Variants in TBC1D14 observed in about 807,000 individuals in gnomAD.
TBC1D14 encodes the protein TBC1 domain family, member 14.
Under a neutral mutation model 79.0 loss-of-function variants are expected in TBC1D14, and 26 were observed. The ratio of observed to expected loss-of-function variants is 0.33; its 90% CI spans 0.24 to 0.46. The LOEUF is 0.46. Ranked by LOEUF, TBC1D14 falls within the 20% of genes least tolerant of loss-of-function variation. TBC1D14 has a pLI of 1.00. For synonymous variants in TBC1D14, 394 were observed against 349.9 expected (o/e 1.13, Z -1.40); for missense variants, 769 against 887.6 (o/e 0.87, Z 1.70).
At chr4:6,958,807 C>T (rs186556274) in intron 2 of TBC1D14, among the ~76,000 whole-genome samples, 19 of 152,246 alleles carry the variant, frequency 1.2e-4, no homozygotes, top group Admixed American at 1.0e-3. Context: ...CCTCGAAAGC[C>T]GGACACTCCT....
intron 3 of TBC1D14, among the ~76,000 whole-genome samples, chr4:6,989,463 T>TA (rs1313089711): frequency 6.6e-6 from 1 of 152,196 alleles, no homozygotes; most frequent in Non-Finnish European, 1.5e-5. Flanking sequence ...GCCCACGTCT[T>TA]ACCTGTCTGT....
Position 7,030,439 on chromosome 4 carries a change from G to T in TBC1D14, c.*47G>T. 1 of 1,599,634 alleles carries T rather than the reference G, an allele frequency of 6.3e-7. No individual in the cohort carries two copies. The highest frequency in any genetic ancestry group is 8.6e-7 in the Non-Finnish European group (1 of 1,167,784). On this transcript the variant is annotated 3_prime_UTR_variant, in exon 14 of 14. Transcript: ENST00000409757. ...TCGGCACCAATCAGAGCCCCATGCCGCGGCCCCTCTGTTGTTTCAGACTGA... is the reference window on the plus strand; with the variant it reads ...TCGGCACCAATCAGAGCCCCATGCCTCGGCCCCTCTGTTGTTTCAGACTGA...
intron 2 of TBC1D14, among the ~76,000 whole-genome samples, chr4:6,938,105 C>T (rs991561201): frequency 2.0e-5 from 3 of 152,158 alleles, no homozygotes; most frequent in African/African-American, 4.8e-5. Context: ...CGCTACTTTG[C>T]TGGGCTGGCC....
At chr4:6,940,272 A>G (rs1712778068) in intron 2 of TBC1D14, among the ~76,000 whole-genome samples, 1 of 152,210 alleles carries the variant, frequency 6.6e-6, no homozygotes, top group African/African-American at 2.4e-5. Flanking sequence ...CATTTCCACC[A>G]TGCAGGAAGT....
intron 3 of TBC1D14, among the ~76,000 whole-genome samples, chr4:6,981,255 C>T (rs953770903): frequency 4.0e-5 from 6 of 151,822 alleles, no homozygotes; most frequent in Non-Finnish European, 8.8e-5. Context: ...GAATTCCTGG[C>T]CTCCAGTGAT....
chr4:6,920,473 C>G (rs944851941), intron 1 of TBC1D14, among the ~76,000 whole-genome samples: 2 of 152,098 alleles, frequency 1.3e-5, no homozygotes, highest in East Asian at 3.9e-4. Context: ...TTTGCTTTTG[C>G]TGTGTTGACA....
chr4:6,946,538 G>A (rs1713481664), intron 2 of TBC1D14, among the ~76,000 whole-genome samples: 1 of 152,058 alleles, frequency 6.6e-6, no homozygotes, highest in African/African-American at 2.4e-5. Context: ...GGTCATGCTG[G>A]TCTCGAACTC....
chr4:6,930,405 C>T (rs551013455), intron 2 of TBC1D14, among the ~76,000 whole-genome samples: 8 of 152,298 alleles, frequency 5.3e-5, no homozygotes, highest in Non-Finnish European at 8.8e-5. Flanking sequence ...ACAGTAGAAT[C>T]ACTGCAGGTG....
chr4:6,934,227 C>T (rs916845169), intron 2 of TBC1D14, among the ~76,000 whole-genome samples: 5 of 151,578 alleles, frequency 3.3e-5, no homozygotes, highest in Admixed American at 6.6e-5. Flanking sequence ...TGAGGCCTGC[C>T]GGCACCAGGA....
intron 12 of TBC1D14, among the ~76,000 whole-genome samples, chr4:7,018,446 A>C (rs545692594): frequency 7.2e-5 from 11 of 152,148 alleles, no homozygotes; most frequent in Non-Finnish European, 1.5e-4. Flanking sequence ...CCCCAGCTCC[A>C]CCCACTCTCT....
intron 2 of TBC1D14, among the ~76,000 whole-genome samples, chr4:6,932,379 A>AG (rs1419381846): frequency 1.4e-5 from 2 of 147,906 alleles, no homozygotes; most frequent in African/African-American, 2.5e-5. Context: ...TGGAAATTAA[A>AG]AAAAAAAAAA....
intron 2 of TBC1D14, among the ~76,000 whole-genome samples, chr4:6,939,602 G>A (rs188555383): frequency 4.8e-4 from 73 of 152,260 alleles, no homozygotes; most frequent in Middle Eastern, 3.4e-3. Flanking sequence ...CAGTCTTGGG[G>A]ATGTAACGGT....
At chr4:7,027,215 AAAC>A (rs1191582684) in intron 13 of TBC1D14, among the ~76,000 whole-genome samples, 1 of 151,932 alleles carries the variant, frequency 6.6e-6, no homozygotes, top group Non-Finnish European at 1.5e-5. Flanking sequence ...CATCTCAAAA[AAAC>A]CCCAAAAAAG....
chr4:6,992,480 A>G lies in TBC1D14; in HGVS notation c.844-1704A>G, dbSNP rs118170551. Among the ~76,000 whole-genome samples the G allele has an allele frequency of 8.1e-4, 124 of 152,354 alleles. 2 individuals are homozygous for G. The East Asian group carries it at 0.023, about 28-fold the overall frequency. ...TGCCAAGCAGATTGCTGTGAAGACA[A>G]AGTGAGTCCACATGCACAGAGCACA... On this transcript the variant is annotated intron_variant, in intron 3 of 13. Transcript: ENST00000409757.
At chr4:6,941,180 CTT>C (rs35201238) in intron 2 of TBC1D14, among the ~76,000 whole-genome samples, 3 of 87,760 alleles carry the variant, frequency 3.4e-5, no homozygotes, top group African/African-American at 5.2e-5. Context: ...AGGAAAGCAG[CTT>C]TTTTTTTTTT....
rs552616402 is a variant in TBC1D14 at position 6,940,590 on chromosome 4, C to T, written c.722+16479C>T. Among the ~76,000 whole-genome samples, 5 of 151,970 alleles carry T rather than the reference C, an allele frequency of 3.3e-5. No homozygotes were observed. The South Asian group carries it at 1.0e-3, about 32-fold the overall frequency. On this transcript the variant is annotated intron_variant, in intron 2 of 13. Coordinates refer to ENST00000409757, the MANE Select transcript of TBC1D14 (RefSeq NM_020773.3). ...GACCCTCCCTGTGACCTCTAGTGCA[C>T]ATTTAAATATGGGAGATGACGGGGG...
intron 2 of TBC1D14, among the ~76,000 whole-genome samples, chr4:6,948,625 G>A (rs1407415048): frequency 1.3e-5 from 2 of 152,028 alleles, no homozygotes; most frequent in South Asian, 2.1e-4. Flanking sequence ...TGGTGATGCC[G>A]GCTGCTCTTG....
At chr4:6,981,991 C>T (rs1294529344) in intron 3 of TBC1D14, among the ~76,000 whole-genome samples, 1 of 152,220 alleles carries the variant, frequency 6.6e-6, no homozygotes, top group African/African-American at 2.4e-5. Flanking sequence ...TATTCCTGTT[C>T]AACATTGTAT....
chr4:7,013,219 G>A (rs1195559050), intron 11 of TBC1D14, among the ~76,000 whole-genome samples: 1 of 152,230 alleles, frequency 6.6e-6, no homozygotes, highest in African/African-American at 2.4e-5. Context: ...CCTGTGCGCT[G>A]GAGGATGCTA....
Sources: allele counts gnomAD v4.1 joint callset (sites outside exome capture counted in the v4.1 genomes callset), GRCh38; gene constraint gnomAD v4.1.1; transcripts MANE v1.5; gene names NCBI Gene and HGNC (gene_info 2026-07-23, HGNC 2026-07-21).